EVI5: variants seen among roughly 807,000 people sequenced by gnomAD.
EVI5 encodes ecotropic viral integration site 5 protein homolog.
A neutral mutation model predicts 112.0 loss-of-function variants in EVI5; 73 were observed. That is an observed-to-expected ratio of 0.65 (90% CI 0.54 to 0.79). The LOEUF (loss-of-function observed/expected upper bound fraction) is 0.79, where lower values mean the gene tolerates loss of function less well. EVI5 is among the 30% of genes least tolerant of loss of function. EVI5 has a pLI of 0.00. For missense variants in EVI5, 900 were observed against 968.8 expected (o/e 0.93, Z 0.94); for synonymous variants, 305 against 319.9 (o/e 0.95, Z 0.50).
intron 1 of EVI5, chr1:92,784,482 T>C: frequency 1.0e-6 from 1 of 974,420 alleles, no homozygotes; most frequent in Middle Eastern, 5.3e-4. Flanking sequence ...AACCGACTTC[T>C]GGCCTCGAGG....
chr1:92,772,297 C>A (rs1381531434), intron 1 of EVI5, among the ~76,000 whole-genome samples: 2 of 151,868 alleles, frequency 1.3e-5, no homozygotes, highest in African/African-American at 4.8e-5. Context: ...CAAGTTTTAA[C>A]AGATATAAAA....
intron 17 of EVI5, 39 bp from the exon 18 acceptor site, chr1:92,605,441 T>G (rs1394924510): frequency 1.5e-6 from 2 of 1,368,708 alleles, no homozygotes; most frequent in Non-Finnish European, 2.1e-6. Flanking sequence ...ATAAACCAGG[T>G]GTGTTTGGAA....
At chr1:92,781,390 G>A (rs1008072051) in intron 1 of EVI5, among the ~76,000 whole-genome samples, 8 of 151,388 alleles carry the variant, frequency 5.3e-5, no homozygotes, top group South Asian at 2.1e-4. Context: ...GCCTGTAGTC[G>A]TAGTCACAGC....
At chr1:92,673,201 TTCA>T (rs1666165438) in intron 10 of EVI5, among the ~76,000 whole-genome samples, 1 of 151,330 alleles carries the variant, frequency 6.6e-6, no homozygotes, top group African/African-American at 2.4e-5. Flanking sequence ...TTTTTTTTTT[TTCA>T]TTTTTATGCC....
chr1:92,687,529 A>C (rs569524607), intron 9 of EVI5, among the ~76,000 whole-genome samples: 1 of 152,338 alleles, frequency 6.6e-6, no homozygotes, highest in East Asian at 1.9e-4. Context: ...CAAAAGCCAA[A>C]ATTGACAAAT....
intron 2 of EVI5, among the ~76,000 whole-genome samples, chr1:92,734,446 T>G (rs568514115): frequency 6.7e-6 from 1 of 150,274 alleles, no homozygotes; most frequent in Non-Finnish European, 1.5e-5. Context: ...AAAATACTAC[T>G]ATAAGCAGAA....
intron 13 of EVI5, among the ~76,000 whole-genome samples, chr1:92,644,357 G>A (rs190082136): frequency 6.6e-6 from 1 of 152,178 alleles, no homozygotes; most frequent in African/African-American, 2.4e-5. Context: ...AAGACAACTG[G>A]GCCACACCTG....
intron 18 of EVI5, among the ~76,000 whole-genome samples, chr1:92,591,700 C>CAAT (rs758925503): frequency 2.0e-5 from 3 of 151,676 alleles, no homozygotes; most frequent in Non-Finnish European, 4.4e-5. Context: ...TTAGACAGAT[C>CAAT]GAGACAGAAA....
At chr1:92,676,749 C>A (rs1203491715) in intron 10 of EVI5, among the ~76,000 whole-genome samples, 1 of 152,170 alleles carries the variant, frequency 6.6e-6, no homozygotes, top group Admixed American at 6.5e-5. Flanking sequence ...AAGCTTTCTG[C>A]AGCTCTAGAG....
At chr1:92,547,857 A>G (rs1666044344) in intron 19 of EVI5, among the ~76,000 whole-genome samples, 1 of 152,248 alleles carries the variant, frequency 6.6e-6, no homozygotes, top group Admixed American at 6.5e-5. Context: ...AATAATTAGT[A>G]GCCTACCAAC....
intron 14 of EVI5, among the ~76,000 whole-genome samples, chr1:92,629,384 A>T (rs1656385099): frequency 6.6e-6 from 1 of 152,218 alleles, no homozygotes; most frequent in Non-Finnish European, 1.5e-5. Flanking sequence ...GTAAAAAGGA[A>T]CAAACGACAC....
intron 19 of EVI5, among the ~76,000 whole-genome samples, chr1:92,521,393 A>G (rs1660902654): frequency 6.6e-6 from 1 of 152,228 alleles, no homozygotes; most frequent in Non-Finnish European, 1.5e-5. Flanking sequence ...GCTTTATCCA[A>G]AATTCAAAGA....
At chr1:92,589,234 C>G (rs1049653156) in intron 18 of EVI5, among the ~76,000 whole-genome samples, 1 of 152,128 alleles carries the variant, frequency 6.6e-6, no homozygotes, top group Non-Finnish European at 1.5e-5. Flanking sequence ...TGAGGTACTG[C>G]GTTCATCTCA....
chr1:92,594,753 G>A (rs1185261266), intron 18 of EVI5, among the ~76,000 whole-genome samples: 24 of 149,274 alleles, frequency 1.6e-4, no homozygotes, highest in Non-Finnish European at 2.8e-4. Context: ...ACAAGTGGGC[G>A]AAGGATATGA....
chr1:92,712,295 A>G (rs1672965096), intron 2 of EVI5, among the ~76,000 whole-genome samples: 1 of 152,218 alleles, frequency 6.6e-6, no homozygotes, highest in African/African-American at 2.4e-5. Context: ...ACAACACAGA[A>G]GAAAGATACC....
In EVI5 at chr1:92,553,200, G is replaced by A. The variant is rs1667199768; in HGVS notation, c.2166+10442C>T. On this transcript the variant is annotated intron_variant, in intron 19 of 19. Transcript: ENST00000684568. ...GGCTGGAACGCAGTGGTACAATCTC[G>A]GCTCACTGCAACCTCTGCCTCCCAG... Among the ~76,000 whole-genome samples, 4 of 151,612 alleles carry A rather than the reference G, an allele frequency of 2.6e-5. No individual in the cohort carries two copies. In the South Asian group the frequency reaches 8.3e-4, roughly 32 times the overall value.
At chr1:92,632,557 T>C (rs1194718790) in intron 14 of EVI5, among the ~76,000 whole-genome samples, 1 of 151,994 alleles carries the variant, frequency 6.6e-6, no homozygotes, top group African/African-American at 2.4e-5. Context: ...GTCTATTTGA[T>C]TATTCTCTCT....
intron 1 of EVI5, among the ~76,000 whole-genome samples, chr1:92,744,446 G>A (rs1302734329): frequency 6.6e-6 from 1 of 152,108 alleles, no homozygotes; most frequent in Non-Finnish European, 1.5e-5. Flanking sequence ...TCCTTACACT[G>A]CTATTGGTTT....
chr1:92,624,249 A>G lies in EVI5; in HGVS notation c.1754T>C (p.Ile585Thr), dbSNP rs1187966876. 3.7e-6 allele frequency: 6 copies of G among 1,613,262 alleles called. No homozygotes were observed. The highest frequency in any genetic ancestry group is 2.2e-5 in the East Asian group (1 of 44,846). The change falls in exon 16 of 20, where the codon ATT becomes ACT. Residue 585 changes from isoleucine (I) to threonine (T), a missense_variant. Transcript: ENST00000684568. The part of the protein sequence containing the change: ...MNELQDELMT[I>T]RLREAETQAE... ...TTGTGTTTCAGCTTCTCTAAGTCGA[A>G]TGGTCATCAGTTCATCTTGTAACTC...
Sources: gnomAD v4.1 joint callset for allele counts (sites outside exome capture counted in the v4.1 genomes callset) on GRCh38, gnomAD v4.1.1 for gene constraint, MANE v1.5 for transcripts, NCBI Gene and HGNC (gene_info 2026-07-23, HGNC 2026-07-21) for gene names.